The following NME1 variants were observed in gnomAD, a reference collection of about 807,000 sequenced individuals.
The protein encoded by NME1 is NME/NM23 nucleoside diphosphate kinase 1.
Under a neutral mutation model 17.2 loss-of-function variants are expected in NME1, and 9 were observed. The ratio of observed to expected loss-of-function variants is 0.52; its 90% CI spans 0.32 to 0.92. NME1 has a LOEUF of 0.92. Among genes scored for constraint, NME1 ranks in the 40% least tolerant of loss-of-function variants. The pLI, the probability that NME1 is intolerant of heterozygous loss-of-function variation, is 0.04. For synonymous variants in NME1, 72 were observed against 70.8 expected (o/e 1.02, Z -0.09); for missense variants, 169 against 201.7 (o/e 0.84, Z 0.98).
In NME1 at chr17:51,155,698, G is replaced by A. The variant is rs1285232329; in HGVS notation, c.44G>A (p.Gly15Glu). 7 of 1,614,140 alleles carry A rather than the reference G, an allele frequency of 4.3e-6. No homozygotes were observed. The highest frequency in any genetic ancestry group is 2.7e-5 in the African/African-American group (2 of 75,048). ...ACCTTCATTGCGATCAAACCAGATG[G>A]GGTCCAGCGGGGTCTTGTGGGAGAG... Reference protein sequence around the residue: ...ERTFIAIKPDGVQRGLVGEII... With the variant: ...ERTFIAIKPDEVQRGLVGEII... The change falls in exon 2 of 5, where the codon GGG becomes GAG. Residue 15 changes from glycine (G) to glutamate (E), a missense_variant. Gly to Glu is a moderately conservative substitution (Grantham distance 98). Transcript: ENST00000393196.
chr17:51,160,948 A>G, intron 3 of NME1: 1 of 691,412 alleles, frequency 1.4e-6, no homozygotes, highest in Non-Finnish European at 2.6e-6. Flanking sequence ...TGGTTGCTGT[A>G]TGGAGAATAC....
Position 51,155,691 on chromosome 17 carries a change from C to G in NME1, c.37C>G (p.Pro13Ala). ...NCERTFIAIK[P>A]DGVQRGLVGE... The stretch of plus-strand genomic sequence containing the variant: ...TGAGCGTACCTTCATTGCGATCAAA[C>G]CAGATGGGGTCCAGCGGGGTCTTGT... The change falls in exon 2 of 5, where the codon CCA (proline) becomes GCA (alanine). Residue 13 changes from proline (P) to alanine (A), a missense_variant. Coordinates refer to ENST00000393196, the MANE Select transcript of NME1 (RefSeq NM_000269.3). 6.2e-7 allele frequency: 1 copy of G among 1,614,156 alleles called. No individual in the cohort carries two copies. Among genetic ancestry groups the G allele is most frequent in the African/African-American group, 1.3e-5 (1 of 75,052 alleles).
At position 51,161,475 on chromosome 17, in the gene NME1, C is replaced by G. The variant is rs1247583565; in HGVS notation, c.341+203C>G. 12 of 679,500 alleles carry G rather than the reference C, an allele frequency of 1.8e-5. No individual in the cohort carries two copies. In the African/African-American group the frequency reaches 1.8e-4, roughly 10 times the overall value. 42.1% of individuals were successfully genotyped at this position (679,500 alleles called of 1,614,324 possible). A position where few individuals can be genotyped will look rare whatever the true frequency, so the allele number is the denominator to read the frequency against. On this transcript the variant is annotated intron_variant, in intron 4 of 4. Coordinates refer to ENST00000393196, the MANE Select transcript of NME1 (RefSeq NM_000269.3). ...ACCTCTGTTACACGAAGTGTAGAAC[C>G]TGGTACAACACACTTTGCTGGCCAG...
intron 2 of NME1, chr17:51,156,317 C>G (rs766805916): frequency 1.6e-4 from 29 of 180,990 alleles, no homozygotes; most frequent in Non-Finnish European, 2.8e-4. Flanking sequence ...AAGCTACTTA[C>G]AAAGCAATCT....
rs1359758758 is a variant in NME1 at position 51,161,253 on chromosome 17, T to C, written c.322T>C (p.Phe108Leu). 1.2e-6 allele frequency: 2 copies of C among 1,611,448 alleles called. No homozygotes were observed. The highest frequency in any genetic ancestry group is 1.7e-6 in the Non-Finnish European group (2 of 1,178,992). Reference protein sequence around the residue: ...DSKPGTIRGDFCIQVGRNIIH... With the variant: ...DSKPGTIRGDLCIQVGRNIIH... ...CAAGCCTGGGACCATCCGTGGAGAC[T>C]TCTGCATACAAGTTGGCAGGTGAGA... The change falls in exon 4 of 5, where the codon TTC (phenylalanine) becomes CTC (leucine). Residue 108 changes from phenylalanine to leucine, a missense_variant. Transcript: ENST00000393196.
chr17:51,161,475 C>T (rs1247583565), intron 4 of NME1: 1 of 679,618 alleles, frequency 1.5e-6, no homozygotes, highest in East Asian at 2.7e-5. Context: ...AGTGTAGAAC[C>T]TGGTACAACA....
At position 51,161,219 on chromosome 17, in the gene NME1, T is replaced by G. The variant is rs768924073; in HGVS notation, c.288T>G (p.Pro96=). 4.3e-6 allele frequency: 7 copies of G among 1,613,048 alleles called. No homozygotes were observed. The highest frequency in any genetic ancestry group is 3.3e-4 in the Middle Eastern group (2 of 6,080). ...GAGTCATGCTCGGGGAGACCAACCCTGCAGACTCCAAGCCTGGGACCATCC... is the reference window on the plus strand; with the variant it reads ...GAGTCATGCTCGGGGAGACCAACCCGGCAGACTCCAAGCCTGGGACCATCC... ...TGRVMLGETN[P]ADSKPGTIRG... Residue 96 remains proline, a synonymous_variant, in exon 4 of 5, where the codon CCT becomes CCG. Coordinates refer to ENST00000393196, the MANE Select transcript of NME1 (RefSeq NM_000269.3).
In NME1 at chr17:51,155,699, G is replaced by C; in HGVS notation, c.45G>C (p.Gly15=). The C allele has an allele frequency of 6.2e-7, 1 of 1,614,174 alleles. No homozygotes were observed. Among genetic ancestry groups the C allele is most frequent in the Non-Finnish European group, 8.5e-7 (1 of 1,180,004 alleles). Reference sequence around the variant, plus strand: ...CCTTCATTGCGATCAAACCAGATGGGGTCCAGCGGGGTCTTGTGGGAGAGA... The same window carrying C: ...CCTTCATTGCGATCAAACCAGATGGCGTCCAGCGGGGTCTTGTGGGAGAGA... ...ERTFIAIKPD[G]VQRGLVGEII... The change falls in exon 2 of 5, where the codon GGG becomes GGC. Residue 15 remains glycine, a synonymous_variant. Transcript: ENST00000393196.
intron 1 of NME1, chr17:51,154,315 A>G: frequency 6.6e-7 from 1 of 1,516,156 alleles, no homozygotes; most frequent in South Asian, 1.1e-5. Context: ...AAATTGGACT[A>G]CAGTGCTAAG....
At chr17:51,156,199 A>G (rs2144860034) in intron 2 of NME1, 14 of 306,160 alleles carry the variant, frequency 4.6e-5, no homozygotes, top group South Asian at 4.1e-4. Flanking sequence ...ACACTAATAA[A>G]TGCTTATTGT....
At chr17:51,154,221 C>A in intron 1 of NME1, 1 of 716,230 alleles carries the variant, frequency 1.4e-6, no homozygotes, top group Non-Finnish European at 2.6e-6. Context: ...CTATTGACTG[C>A]TAGGCCCTGT....
intron 2 of NME1, among the ~76,000 whole-genome samples, chr17:51,159,042 G>A (rs749968541): frequency 2.0e-5 from 3 of 152,202 alleles, no homozygotes; most frequent in Non-Finnish European, 4.4e-5. Context: ...TAATGGCCTG[G>A]TTTAGTTTGC....
chr17:51,161,323 C>T, intron 4 of NME1, 51 bp downstream of exon 4: 1 of 1,530,500 alleles, frequency 6.5e-7, no homozygotes, highest in Non-Finnish European at 8.9e-7. Context: ...TTAGTTGCCA[C>T]AAGGATTTGG....
intron 2 of NME1, among the ~76,000 whole-genome samples, chr17:51,159,168 T>C (rs1018917784): frequency 6.6e-6 from 1 of 152,314 alleles, no homozygotes; most frequent in East Asian, 1.9e-4. Context: ...ATGAGATAGT[T>C]GAGGGCCAGG....
At chr17:51,156,041 C>T (rs2049781155) in intron 2 of NME1, 4 of 392,994 alleles carry the variant, frequency 1.0e-5, no homozygotes, top group Non-Finnish European at 9.7e-6. Flanking sequence ...CCACATATGA[C>T]TGCATCTCTG....
At position 51,161,934 on chromosome 17, in the gene NME1, A is replaced by G; in HGVS notation, c.*89A>G. ...GGCTGTAGGAAATCTAGTTATTTACAGGAACTTCATCATAATTTGGAGGGA... is the reference window on the plus strand; with the variant it reads ...GGCTGTAGGAAATCTAGTTATTTACGGGAACTTCATCATAATTTGGAGGGA... On this transcript the variant is annotated 3_prime_UTR_variant, in exon 5 of 5. Transcript: ENST00000393196. 1.1e-6 allele frequency: 1 copy of G among 874,316 alleles called. No homozygotes were observed. Among genetic ancestry groups the G allele is most frequent in the Non-Finnish European group, 1.9e-6 (1 of 516,692 alleles). The allele number at this position is 874,316 out of a possible 1,614,324, so 54.2% of individuals were successfully genotyped here.
rs71355724 is a variant in NME1 at position 51,156,892 on chromosome 17, C to CAA, written c.126+1129_126+1130dup. Among the ~76,000 whole-genome samples the CAA allele has an allele frequency of 2.5e-3, 218 of 86,768 alleles. 2 individuals are homozygous for CAA. Among genetic ancestry groups the CAA allele is most frequent in the African/African-American group, 5.6e-3 (122 of 21,982 alleles). 56.9% of individuals were successfully genotyped at this position (86,768 alleles called of 152,430 possible). ...TGCAACAAGAGCAAAACTCCATCTCCAAAAAAAAAAAAAAAAAAGAATTGC... is the reference window on the plus strand; with the variant it reads ...TGCAACAAGAGCAAAACTCCATCTCCAAAAAAAAAAAAAAAAAAAAGAATTGC... On this transcript the variant is annotated intron_variant, in intron 2 of 4. Coordinates refer to ENST00000393196, the MANE Select transcript of NME1 (RefSeq NM_000269.3).
chr17:51,156,024 CAGAGTTCCACAT>C (rs1598235967), intron 2 of NME1: 1 of 424,220 alleles, frequency 2.4e-6, no homozygotes, highest in East Asian at 5.6e-5. Context: ...AAAAGCAGTG[CAGAGTTCCACAT>C]ATGACTGCAT....
intron 1 of NME1, 61 bp from the exon 2 acceptor site, chr17:51,155,590 C>G: frequency 3.1e-6 from 5 of 1,605,450 alleles, no homozygotes; most frequent in Middle Eastern, 1.9e-4. Flanking sequence ...CCGCTTGAGA[C>G]GGATGACGCT....
Sources: allele counts gnomAD v4.1 joint callset (sites outside exome capture counted in the v4.1 genomes callset), GRCh38; gene constraint gnomAD v4.1.1; transcripts MANE v1.5; gene names NCBI Gene and HGNC (gene_info 2026-07-23, HGNC 2026-07-21).